ABI3BP: variants seen among roughly 807,000 people sequenced by gnomAD.
The protein encoded by ABI3BP is ABI family member 3 binding protein.
A neutral mutation model predicts 268.6 loss-of-function variants in ABI3BP; 216 were observed. The observed-to-expected ratio is 0.80, with a 90% CI of 0.72 to 0.90. ABI3BP has a LOEUF of 0.90. Ranked by LOEUF, ABI3BP falls within the 40% of genes least tolerant of loss-of-function variation. The pLI is 0.00. For missense variants in ABI3BP, 2,090 were observed against 2,182.4 expected (o/e 0.96, Z 0.84); for synonymous variants, 730 against 730.0 (o/e 1.00, Z 0.00).
At chr3:100,751,915 A>C (rs987381328) in intron 66 of ABI3BP, among the ~76,000 whole-genome samples, 4 of 152,208 alleles carry the variant, frequency 2.6e-5, no homozygotes, top group African/African-American at 4.8e-5. Context: ...GCAGTCTCCC[A>C]TTATACTCAG....
In ABI3BP at chr3:100,829,612, T is replaced by C. The variant is rs966739087; in HGVS notation, c.2511A>G (p.Thr837=). 1.0e-5 allele frequency: 16 copies of C among 1,535,506 alleles called. No individual in the cohort carries two copies. Among genetic ancestry groups the C allele is most frequent in the Non-Finnish European group, 1.4e-5 (16 of 1,146,468 alleles). The change falls in exon 33 of 68, where the codon ACA becomes ACG. Residue 837 remains threonine, a synonymous_variant. Coordinates refer to ENST00000471714, the MANE Select transcript of ABI3BP (RefSeq NM_001375547.2). ...CAGTCTGAAGCTCTTCGGGACTCAG[T>C]GTGGTTTTAGGTTTGGGATGTGGAC... is the stretch of plus-strand genomic sequence containing the variant. ...THRPHPKPKT[T]LSPEELQTEL...
At position 100,834,719 on chromosome 3, in the gene ABI3BP, G is replaced by T. The variant is rs990959800; in HGVS notation, c.2246C>A (p.Thr749Asn). ...CTGCAGTGTCTCTGGGCGTGGCGTG[G>T]TTTTATGTTTGGGACGTGGACGACG... ...RTRRPRPKHK[T>N]TPRPETLQTK... The change falls in exon 29 of 68, where the codon ACC becomes AAC. Residue 749 changes from threonine to asparagine, a missense_variant. Thr to Asn is a moderately conservative substitution (Grantham distance 65). Transcript: ENST00000471714. 6.5e-7 allele frequency: 1 copy of T among 1,535,764 alleles called. No homozygotes were observed. The highest frequency in any genetic ancestry group is 8.7e-7 in the Non-Finnish European group (1 of 1,146,574).
chr3:100,770,499 A>G (rs2096512022), intron 62 of ABI3BP, among the ~76,000 whole-genome samples: 1 of 152,140 alleles, frequency 6.6e-6, no homozygotes, highest in Admixed American at 6.6e-5. Flanking sequence ...CTGAGAGGAG[A>G]TGGAAAGAAT....
chr3:100,906,883 T>G (rs1473525552), intron 2 of ABI3BP, among the ~76,000 whole-genome samples: 6 of 152,238 alleles, frequency 3.9e-5, no homozygotes, highest in Non-Finnish European at 7.3e-5. Flanking sequence ...CCTCACTGCT[T>G]CAGAATATTG....
At chr3:100,782,502 T>C (rs2096898665) in intron 57 of ABI3BP, among the ~76,000 whole-genome samples, 2 of 151,996 alleles carry the variant, frequency 1.3e-5, no homozygotes, top group Admixed American at 1.3e-4. Context: ...TAGAAATGGA[T>C]AGAAGCCAGT....
At chr3:100,855,074 G>A (rs547714072) in intron 14 of ABI3BP, among the ~76,000 whole-genome samples, 1 of 152,082 alleles carries the variant, frequency 6.6e-6, no homozygotes, top group South Asian at 2.1e-4. Context: ...TTACAGACAT[G>A]TGCCACCACA....
intron 29 of ABI3BP, among the ~76,000 whole-genome samples, 167 bp downstream of exon 29, chr3:100,834,517 G>A (rs1239061083): frequency 6.6e-6 from 1 of 152,152 alleles, no homozygotes; most frequent in African/African-American, 2.4e-5. Flanking sequence ...CAATCAGAAT[G>A]AGGAAGTCAC....
rs191382291 is a variant in ABI3BP, at chr3:100,890,200, T to A, written c.462-3877A>T. Among the ~76,000 whole-genome samples, 96 of 152,304 alleles carry A rather than the reference T, an allele frequency of 6.3e-4. No homozygotes were observed. In the East Asian group the frequency reaches 0.016, roughly 26 times the overall value. Reference sequence around the variant, plus strand: ...ATACTTCCTTCAGGAATGCTTTTATTTCTATGTGATTAACTACTTTTACAT... The same window carrying A: ...ATACTTCCTTCAGGAATGCTTTTATATCTATGTGATTAACTACTTTTACAT... On this transcript the variant is annotated intron_variant, in intron 4 of 67. Coordinates refer to ENST00000471714, the MANE Select transcript of ABI3BP (RefSeq NM_001375547.2).
chr3:100,801,437 A>AAAAG (rs1394863242), intron 51 of ABI3BP, among the ~76,000 whole-genome samples: 1 of 144,738 alleles, frequency 6.9e-6, no homozygotes, highest in African/African-American at 2.5e-5. Context: ...AAAAAAAAAA[A>AAAAG]AAAGAAAAGA....
At chr3:100,841,901 G>GAAAA in intron 21 of ABI3BP, 97 bp downstream of exon 21, 58 of 818,234 alleles carry the variant, frequency 7.1e-5, no homozygotes, top group South Asian at 1.4e-4. Flanking sequence ...ATCTGGAGAA[G>GAAAA]AAAAAAAAAA....
At chr3:100,843,988 A>G (rs980758022) in intron 20 of ABI3BP, 4 of 984,508 alleles carry the variant, frequency 4.1e-6, no homozygotes, top group East Asian at 1.1e-4. Flanking sequence ...ATAGAACTCC[A>G]TCAATTAAGC....
At chr3:100,819,941 C>A (rs1329359856) in intron 40 of ABI3BP, among the ~76,000 whole-genome samples, 7 of 126,128 alleles carry the variant, frequency 5.5e-5, no homozygotes, top group Non-Finnish European at 1.1e-4. Flanking sequence ...GAGTAAGACT[C>A]CGTCTCAAAA....
At chr3:100,845,626 C>T (rs2098757333) in intron 20 of ABI3BP, among the ~76,000 whole-genome samples, 1 of 142,966 alleles carries the variant, frequency 7.0e-6, no homozygotes, top group South Asian at 2.1e-4. Flanking sequence ...TAATTTCTTC[C>T]CAGAGCTAAG....
intron 57 of ABI3BP, among the ~76,000 whole-genome samples, chr3:100,784,988 A>G (rs1432514660): frequency 6.6e-6 from 1 of 152,194 alleles, no homozygotes; most frequent in Non-Finnish European, 1.5e-5. Flanking sequence ...ACACTATATA[A>G]TTCATCCATG....
Position 100,926,454 on chromosome 3 carries a change from A to G in ABI3BP, c.107T>C (p.Ile36Thr). Reference protein sequence around the residue: ...KGKRPNLKVHINTTSDSILLK... With the variant: ...KGKRPNLKVHTNTTSDSILLK... ...GAGGATGGAGTCACTTGTGGTATTG[A>G]TGTGGACTTTGAGGTTTGGCCTTTT... The change falls in exon 2 of 68, where the codon ATC becomes ACC. Residue 36 changes from isoleucine to threonine, a missense_variant. Ile to Thr is a moderately conservative substitution (Grantham distance 89). Transcript: ENST00000471714. 2 of 1,613,308 alleles carry G rather than the reference A, an allele frequency of 1.2e-6. No homozygotes were observed. The highest frequency in any genetic ancestry group is 1.7e-6 in the Non-Finnish European group (2 of 1,179,504).
intron 2 of ABI3BP, among the ~76,000 whole-genome samples, chr3:100,915,101 T>C (rs894663379): frequency 1.4e-4 from 22 of 152,170 alleles, no homozygotes; most frequent in Non-Finnish European, 1.5e-4. Flanking sequence ...TTATTTGCTA[T>C]TTAATATTGC....
chr3:100,877,750 T>A (rs62277104), intron 6 of ABI3BP, among the ~76,000 whole-genome samples: 59,592 of 152,054 alleles, frequency 0.39, 13,369 homozygotes, highest in Admixed American at 0.54. Flanking sequence ...GTATACATGA[T>A]ACAGATATGG....
chr3:100,924,416 T>G (rs2061198918), intron 2 of ABI3BP, among the ~76,000 whole-genome samples: 1 of 151,710 alleles, frequency 6.6e-6, no homozygotes, highest in African/African-American at 2.4e-5. Context: ...ATTAAAAATA[T>G]TTTTTATCTG....
intron 1 of ABI3BP, among the ~76,000 whole-genome samples, chr3:100,929,216 C>T (rs2062845905): frequency 1.3e-5 from 2 of 152,066 alleles, no homozygotes; most frequent in African/African-American, 4.8e-5. Context: ...GTCACAGCAT[C>T]ATCATCACGT....
Sources: gnomAD v4.1 joint callset for allele counts (sites outside exome capture counted in the v4.1 genomes callset) on GRCh38, gnomAD v4.1.1 for gene constraint, MANE v1.5 for transcripts, NCBI Gene and HGNC (gene_info 2026-07-23, HGNC 2026-07-21) for gene names.